Variants in GRM5 observed in about 807,000 individuals in gnomAD.
GRM5 encodes metabotropic glutamate receptor 5.
A neutral mutation model predicts 83.1 loss-of-function variants in GRM5; 19 were observed. That is an observed-to-expected ratio of 0.23 (90% CI 0.16 to 0.34). The LOEUF (loss-of-function observed/expected upper bound fraction) is 0.34, where lower values mean the gene tolerates loss of function less well. Ranked by LOEUF, GRM5 falls within the 10% of genes least tolerant of loss-of-function variation. The pLI is 1.00. For missense variants in GRM5, 1,160 were observed against 1,588.3 expected, an observed-to-expected ratio of 0.73 and a Z score of 4.58; for synonymous variants, 675 against 633.6, an observed-to-expected ratio of 1.07 and a Z score of -0.98.
intron 2 of GRM5, among the ~76,000 whole-genome samples, chr11:88,896,896 G>C (rs1244010551): frequency 6.6e-6 from 1 of 151,854 alleles, no homozygotes; most frequent in Non-Finnish European, 1.5e-5. Context: ...CCAAATGTCT[G>C]AGCACCCTGC....
At chr11:89,058,517 A>G (rs1941922877) in intron 1 of GRM5, among the ~76,000 whole-genome samples, 1 of 152,222 alleles carries the variant, frequency 6.6e-6, no homozygotes, top group Non-Finnish European at 1.5e-5. Context: ...ATGAAAGAAG[A>G]GCATACCTAA....
rs1268825430 is a variant in GRM5, at chr11:88,508,116, G to A, written c.*476C>T. The stretch of plus-strand genomic sequence containing the variant: ...AAAGAAAGAAAAAAGAAAGAAAAAA[G>A]TTGATGTTTTGGTCCCAGATTTTGA... On this transcript the variant is annotated 3_prime_UTR_variant, in exon 10 of 10. Transcript: ENST00000305447. The surrounding 1 kb of genome is among the most constrained non-coding windows in gnomAD (Gnocchi z 4.2). 1 of 153,082 alleles carries A rather than the reference G, an allele frequency of 6.5e-6. No individual in the cohort carries two copies. Among genetic ancestry groups the A allele is most frequent in the East Asian group, 1.9e-4 (1 of 5,206 alleles). The allele number at this position is 153,082 out of a possible 1,614,324, so 9.5% of individuals were successfully genotyped here.
At chr11:88,991,321 C>T (rs1390685457) in intron 2 of GRM5, among the ~76,000 whole-genome samples, 1 of 151,970 alleles carries the variant, frequency 6.6e-6, no homozygotes, top group Non-Finnish European at 1.5e-5. Flanking sequence ...TGAAGGACCT[C>T]TTCAAGGAGA....
intron 9 of GRM5, among the ~76,000 whole-genome samples, chr11:88,517,341 G>C (rs1200586550): frequency 6.6e-6 from 1 of 152,084 alleles, no homozygotes; most frequent in Non-Finnish European, 1.5e-5. Context: ...CAAGATTTTT[G>C]ATAAGCTACT....
intron 3 of GRM5, among the ~76,000 whole-genome samples, chr11:88,728,384 T>C (rs768960657): frequency 1.3e-5 from 2 of 151,858 alleles, no homozygotes; most frequent in African/African-American, 2.4e-5. Context: ...CCTTAATTAA[T>C]AGCCTAACCA....
chr11:88,937,008 A>T (rs1937922220), intron 2 of GRM5, among the ~76,000 whole-genome samples: 1 of 151,756 alleles, frequency 6.6e-6, no homozygotes, highest in South Asian at 2.1e-4. Context: ...AGAAGTTCCA[A>T]TATTGGCTAT....
chr11:88,880,892 C>T (rs1421807346), intron 2 of GRM5, among the ~76,000 whole-genome samples: 2 of 152,088 alleles, frequency 1.3e-5, no homozygotes, highest in Non-Finnish European at 2.9e-5. Flanking sequence ...ACTCAGTGTA[C>T]TGTCTGGGGA....
At chr11:88,956,734 A>G (rs1390094254) in intron 2 of GRM5, among the ~76,000 whole-genome samples, 1 of 152,214 alleles carries the variant, frequency 6.6e-6, no homozygotes, top group Non-Finnish European at 1.5e-5. Context: ...TGAACCCGGA[A>G]GGCGGAACTT....
chr11:88,537,785 C>G (rs749773152), intron 8 of GRM5, among the ~76,000 whole-genome samples: 8 of 152,078 alleles, frequency 5.3e-5, no homozygotes, highest in Non-Finnish European at 7.4e-5. Context: ...GAAATGTCAA[C>G]TTGATTCCTT....
chr11:88,639,688 T>C (rs7126358), intron 4 of GRM5, among the ~76,000 whole-genome samples: 84,961 of 151,512 alleles, frequency 0.56, 27,521 homozygotes, highest in South Asian at 0.81. Flanking sequence ...CCCAGGTTCA[T>C]GCCATTCTCC....
chr11:88,744,909 A>G (rs1348109409), intron 3 of GRM5, among the ~76,000 whole-genome samples: 1 of 152,188 alleles, frequency 6.6e-6, no homozygotes, highest in East Asian at 1.9e-4. Flanking sequence ...ATGCTTACTC[A>G]GAAATAAGGA....
intron 2 of GRM5, among the ~76,000 whole-genome samples, chr11:88,904,058 A>G (rs1945363468): frequency 6.6e-6 from 1 of 152,166 alleles, no homozygotes. Context: ...GTCTCGAGAT[A>G]GATTCAGATA....
At chr11:88,563,609 A>G (rs1942806428) in intron 8 of GRM5, among the ~76,000 whole-genome samples, 1 of 152,190 alleles carries the variant, frequency 6.6e-6, no homozygotes, top group Admixed American at 6.5e-5. Context: ...ATGCTTCTCC[A>G]CCAAAGACCT....
At chr11:88,827,462 T>G (rs999666612) in intron 3 of GRM5, among the ~76,000 whole-genome samples, 2 of 152,272 alleles carry the variant, frequency 1.3e-5, no homozygotes, top group African/African-American at 4.8e-5. Context: ...CTTCTTGCTA[T>G]GTAAACTTTG....
At chr11:88,544,969 A>G (rs16914186) in intron 8 of GRM5, among the ~76,000 whole-genome samples, 3,625 of 152,300 alleles carry the variant, frequency 0.024, 140 homozygotes, top group African/African-American at 0.082. Context: ...ACATTGATTT[A>G]CATCTTTGCC....
intron 2 of GRM5, among the ~76,000 whole-genome samples, chr11:88,923,364 C>A (rs1767875947): frequency 6.6e-6 from 1 of 152,116 alleles, no homozygotes. Context: ...TAGCACTATT[C>A]AGGCATAAAA....
intron 3 of GRM5, among the ~76,000 whole-genome samples, chr11:88,754,399 T>A (rs978116743): frequency 6.6e-6 from 1 of 152,146 alleles, no homozygotes; most frequent in Non-Finnish European, 1.5e-5. Context: ...ATAACGAACC[T>A]GCCCATCCTG....
chr11:88,963,101 AAAAC>A (rs901282651), intron 2 of GRM5, among the ~76,000 whole-genome samples: 17 of 152,184 alleles, frequency 1.1e-4, no homozygotes, highest in African/African-American at 3.1e-4. Context: ...AAACAAACAA[AAAAC>A]AAACAAACAA....
At chr11:88,673,749 AAG>A (rs1002479923) in intron 3 of GRM5, among the ~76,000 whole-genome samples, 16 of 151,958 alleles carry the variant, frequency 1.1e-4, no homozygotes, top group African/African-American at 3.6e-4. Flanking sequence ...CTCAGACAGA[AAG>A]AGATAAAAAT....
Sources: allele counts gnomAD v4.1 joint callset (sites outside exome capture counted in the v4.1 genomes callset), GRCh38; gene constraint gnomAD v4.1.1; non-coding constraint Gnocchi (gnomAD v3.1); transcripts MANE v1.5; gene names NCBI Gene and HGNC (gene_info 2026-07-23, HGNC 2026-07-21).